KLF8: variants seen among roughly 807,000 people sequenced by gnomAD.
KLF8 encodes KLF transcription factor 8, also known as Krueppel-like factor 8.
In KLF8, 10 loss-of-function variants were observed where a neutral mutation model predicts 18.2. That is an observed-to-expected ratio of 0.55 (90% CI 0.34 to 0.93). The LOEUF (loss-of-function observed/expected upper bound fraction) is 0.93. Among genes scored for constraint, KLF8 ranks in the 40% least tolerant of loss-of-function variants. KLF8 has a pLI of 0.02. For synonymous variants in KLF8, 109 were observed against 97.3 expected (o/e 1.12, Z -0.71); for missense variants, 264 against 277.9 (o/e 0.95, Z 0.36).
chrX:56,058,288 A>ACATATATATACATATATATG, the KLF8 span, among the ~76,000 whole-genome samples: 1 of 41,807 alleles, frequency 2.4e-5, no homozygotes, highest in East Asian at 1.0e-3. Context: ...ACATATATAT[A>ACATATATATACATATATATG]TATATATATA....
At chrX:56,274,849 T>C (rs913453290) in intron 5 of KLF8, among the ~76,000 whole-genome samples, 2 of 112,068 alleles carry the variant, frequency 1.8e-5, no homozygotes, top group Non-Finnish European at 3.8e-5. Flanking sequence ...CTCTATTCTG[T>C]TCCACTGATC....
chrX:56,006,869 TCAA>T, the KLF8 span, among the ~76,000 whole-genome samples: 1 of 112,069 alleles, frequency 8.9e-6, no homozygotes, highest in African/African-American at 3.2e-5. Flanking sequence ...TGTACCAGTG[TCAA>T]CAGGCAGGCT....
chrX:56,026,088 A>G, the KLF8 span, among the ~76,000 whole-genome samples: 1 of 112,013 alleles, frequency 8.9e-6, no homozygotes, highest in African/African-American at 3.2e-5. Context: ...GTCACTTTAC[A>G]GGGATTGTCC....
intron 2 of KLF8, among the ~76,000 whole-genome samples, chrX:56,262,912 C>T (rs890079175): frequency 1.8e-5 from 2 of 111,758 alleles, no homozygotes; most frequent in Non-Finnish European, 3.8e-5. Flanking sequence ...CATGAGCCAC[C>T]GCGCCCGCCC....
the KLF8 span, among the ~76,000 whole-genome samples, chrX:56,179,166 T>C: frequency 8.9e-6 from 1 of 112,305 alleles, no homozygotes; most frequent in African/African-American, 3.2e-5. Context: ...TTTTATTTCA[T>C]TGAGCAGTTG....
the KLF8 span, among the ~76,000 whole-genome samples, chrX:56,078,753 C>T: frequency 1.8e-5 from 2 of 111,478 alleles, no homozygotes; most frequent in African/African-American, 3.3e-5. Flanking sequence ...TAGAATTCGG[C>T]TGTGAATCCA....
At chrX:56,057,151 G>T in the KLF8 span, among the ~76,000 whole-genome samples, 2 of 111,895 alleles carry the variant, frequency 1.8e-5, no homozygotes. Flanking sequence ...TTGGCATGGG[G>T]TTGGAGCTCT....
the KLF8 span, among the ~76,000 whole-genome samples, chrX:55,909,932 T>G: frequency 8.9e-6 from 1 of 112,244 alleles, no homozygotes; most frequent in Non-Finnish European, 1.9e-5. Context: ...GTGACATCTC[T>G]TACATATTTG....
chrX:56,086,892 A>T, the KLF8 span, among the ~76,000 whole-genome samples: 5 of 111,695 alleles, frequency 4.5e-5, no homozygotes, highest in Non-Finnish European at 7.5e-5. Context: ...GCATTCTAGA[A>T]TTCAGTGTTA....
At chrX:56,202,559 T>TCCCCCCCCCCCCCCCCCCCCCCCCCC in the KLF8 span, among the ~76,000 whole-genome samples, 2 of 75,806 alleles carry the variant, frequency 2.6e-5, no homozygotes, top group African/African-American at 4.8e-5. Flanking sequence ...CCATTAACCT[T>TCCCCCCCCCCCCCCCCCCCCCCCCCC]CCCCCCCCCT....
chrX:55,943,234 A>C, the KLF8 span, among the ~76,000 whole-genome samples: 1 of 111,119 alleles, frequency 9.0e-6, no homozygotes, highest in Admixed American at 9.7e-5. Context: ...ATTGAATTTG[A>C]AATGCTTATT....
chrX:56,031,984 C>A, the KLF8 span, among the ~76,000 whole-genome samples: 1 of 111,077 alleles, frequency 9.0e-6, no homozygotes, highest in Non-Finnish European at 1.9e-5. Flanking sequence ...TTCACAATGT[C>A]CTTCCATACA....
chrX:56,036,992 A>T, the KLF8 span, among the ~76,000 whole-genome samples: 3 of 111,982 alleles, frequency 2.7e-5, no homozygotes, highest in East Asian at 8.4e-4. Context: ...AACACTACTG[A>T]TTTTTGCATT....
the KLF8 span, among the ~76,000 whole-genome samples, chrX:56,029,932 A>G: frequency 3.6e-5 from 4 of 111,682 alleles, no homozygotes; most frequent in Non-Finnish European, 7.5e-5. Flanking sequence ...CAAATATTTG[A>G]TTAGCTATCT....
At chrX:55,959,449 A>G in the KLF8 span, among the ~76,000 whole-genome samples, 7 of 112,078 alleles carry the variant, frequency 6.2e-5, no homozygotes, top group African/African-American at 2.3e-4. Flanking sequence ...CAGAATCTGG[A>G]TGGCAAAGAA....
At chrX:55,928,823 A>G in the KLF8 span, among the ~76,000 whole-genome samples, 1 of 112,001 alleles carries the variant, frequency 8.9e-6, no homozygotes, top group East Asian at 2.8e-4. Context: ...CAGTGCTGCA[A>G]TAAACATATG....
chrX:56,105,664 A>G, the KLF8 span, among the ~76,000 whole-genome samples: 2 of 109,516 alleles, frequency 1.8e-5, no homozygotes, highest in African/African-American at 6.7e-5. Flanking sequence ...TCTTTATCCA[A>G]TTTGCCAGTC....
chrX:56,053,544 G>GTTTTT, the KLF8 span, among the ~76,000 whole-genome samples: 3 of 68,706 alleles, frequency 4.4e-5, no homozygotes, highest in South Asian at 1.4e-3. Flanking sequence ...TCTTTTCTTT[G>GTTTTT]TTTTTTTTTT....
the KLF8 span, among the ~76,000 whole-genome samples, chrX:56,064,401 A>G: frequency 9.2e-6 from 1 of 109,150 alleles, no homozygotes; most frequent in Admixed American, 1.0e-4. Flanking sequence ...TTTACTAGAT[A>G]CGCATTTACA....
Sources: gnomAD v4.1 joint callset for allele counts (sites outside exome capture counted in the v4.1 genomes callset) on GRCh38, gnomAD v4.1.1 for gene constraint, MANE v1.5 for transcripts, NCBI Gene and HGNC (gene_info 2026-07-23, HGNC 2026-07-21) for gene names.